APCDD1: variants seen among roughly 807,000 people sequenced by gnomAD.
APCDD1 encodes the protein protein APCDD1.
In APCDD1, 15 loss-of-function variants were observed where a neutral mutation model predicts 38.1. The observed-to-expected ratio is 0.39, with a 90% CI of 0.26 to 0.61. APCDD1 has a LOEUF of 0.61. Ranked by LOEUF, APCDD1 falls within the 20% of genes least tolerant of loss-of-function variation. The probability of loss-of-function intolerance (pLI) is 0.49; values close to 1 mark genes in which losing one functional copy is unlikely to be tolerated. For missense variants in APCDD1, 647 were observed against 696.2 expected (o/e 0.93, Z 0.79); for synonymous variants, 261 against 279.7 (o/e 0.93, Z 0.67).
Position 10,472,027 on chromosome 18 carries a change from C to T in APCDD1, c.740C>T (p.Pro247Leu). 6.2e-7 allele frequency: 1 copy of T among 1,613,752 alleles called. No individual in the cohort carries two copies. Among genetic ancestry groups the T allele is most frequent in the Non-Finnish European group, 8.5e-7 (1 of 1,180,040 alleles). ...GCCACCCAGAGGATGTTCTACCGGC[C>T]CTCCAGTTACCAGCCCCCTCTGCAG... ...TDATQRMFYR[P>L]SSYQPPLQNA... The change falls in exon 3 of 5, where the codon CCC (proline) becomes CTC (leucine). Residue 247 changes from proline to leucine, a missense_variant. Coordinates refer to ENST00000355285, the MANE Select transcript of APCDD1 (RefSeq NM_153000.5). This position sits in a 1 kb window ranked among gnomAD's most constrained non-coding sequence, Gnocchi z 6.6.
In APCDD1 at chr18:10,487,592, A is replaced by C; in HGVS notation, c.1099A>C (p.Asn367His). ...GAACTCTCCTTTCTCCTTTGCAGTGAATCACATGAAGGTCACCCCCATGGA... is the reference window on the plus strand; with the variant it reads ...GAACTCTCCTTTCTCCTTTGCAGTGCATCACATGAAGGTCACCCCCATGGA... ...MGGTEFVFKV[N>H]HMKVTPMDAA... Residue 367 changes from asparagine to histidine, a missense_variant and splice_region_variant, in exon 5 of 5, where the codon AAT (asparagine) becomes CAT (histidine). Coordinates refer to ENST00000355285, the MANE Select transcript of APCDD1 (RefSeq NM_153000.5). The C allele has an allele frequency of 6.2e-6, 10 of 1,614,028 alleles. No homozygotes were observed. Among genetic ancestry groups the C allele is most frequent in the Non-Finnish European group, 8.5e-6 (10 of 1,180,032 alleles).
At position 10,489,894 on chromosome 18, in the gene APCDD1, G is replaced by T. The variant is rs1007705431; in HGVS notation, c.*1856G>T. On this transcript the variant is annotated 3_prime_UTR_variant, in exon 5 of 5. Coordinates refer to ENST00000355285, the MANE Select transcript of APCDD1 (RefSeq NM_153000.5). ...AAACAAAGATGTCAAAATACTCTCA[G>T]AAATACAACTGATACTATCTTTAAA... The T allele has an allele frequency of 6.6e-6, 1 of 152,014 alleles. No homozygotes were observed. The allele number at this position is 152,014 out of a possible 1,614,324, so 9.4% of individuals were successfully genotyped here.
rs539268005 is a variant in APCDD1 at position 10,485,510 on chromosome 18, G to A, written c.823G>A (p.Glu275Lys). The change falls in exon 4 of 5, where the codon GAG (glutamate) becomes AAG (lysine). Residue 275 changes from glutamate (E) to lysine (K), a missense_variant. Physicochemically the swap from Glu to Lys is moderately conservative, Grantham distance 56. Coordinates refer to ENST00000355285, the MANE Select transcript of APCDD1 (RefSeq NM_153000.5). This position sits in a 1 kb window ranked among gnomAD's most constrained non-coding sequence, Gnocchi z 5.8. ...IACRIIYRSD[E>K]HHPPILPPKA... ...CTGTCGGATCATCTATCGGTCAGAC[G>A]AGCACCACCCTCCCATCCTGCCCCC... The A allele has an allele frequency of 4.3e-6, 7 of 1,613,964 alleles. No individual in the cohort carries two copies. The highest frequency in any genetic ancestry group is 5.9e-6 in the Non-Finnish European group (7 of 1,180,032).
At chr18:10,477,425 G>C (rs1489205899) in intron 3 of APCDD1, 1 of 152,226 alleles carries the variant, frequency 6.6e-6, no homozygotes, top group Non-Finnish European at 1.5e-5. Flanking sequence ...CTGGGCCGAG[G>C]TGTGCAGTGT....
At chr18:10,487,311 C>A (rs914425874) in intron 4 of APCDD1, among the ~76,000 whole-genome samples, 2 of 152,220 alleles carry the variant, frequency 1.3e-5, no homozygotes, top group African/African-American at 4.8e-5. Context: ...GCACTCCCAG[C>A]TGTATTCTGG....
At chr18:10,478,633 G>A (rs960106525) in intron 3 of APCDD1, among the ~76,000 whole-genome samples, 1 of 152,146 alleles carries the variant, frequency 6.6e-6, no homozygotes, top group Non-Finnish European at 1.5e-5. Flanking sequence ...CTTAAGGGCT[G>A]TACCCTCATG....
intron 3 of APCDD1, among the ~76,000 whole-genome samples, chr18:10,480,581 G>T (rs1224188984): frequency 2.0e-5 from 3 of 152,098 alleles, no homozygotes; most frequent in Admixed American, 1.3e-4. Flanking sequence ...GATAACTTTG[G>T]CTTCTTCATG....
chr18:10,456,286 A>G (rs942769380), intron 1 of APCDD1, among the ~76,000 whole-genome samples: 3 of 152,174 alleles, frequency 2.0e-5, no homozygotes, highest in African/African-American at 7.2e-5. Context: ...GCAGAGGGCA[A>G]AAAGAGAGAA....
At chr18:10,478,138 C>T (rs1353516613) in intron 3 of APCDD1, among the ~76,000 whole-genome samples, 1 of 152,220 alleles carries the variant, frequency 6.6e-6, no homozygotes, top group African/African-American at 2.4e-5. Context: ...CTCCCCTCTG[C>T]TTCATAGCCA....
At position 10,475,477 on chromosome 18, in the gene APCDD1, G is replaced by A. The variant is rs2030968863; in HGVS notation, c.774+3416G>A. Among the ~76,000 whole-genome samples, 1 of 152,104 alleles carries A rather than the reference G, an allele frequency of 6.6e-6. No individual in the cohort carries two copies. The highest frequency in any genetic ancestry group is 2.4e-5 in the African/African-American group (1 of 41,414). ...CATCTGCATAAAACTAATAATGAAAGGAGAAGAAGAGGGACTCTTTGCAAA... is the reference window on the plus strand; with the variant it reads ...CATCTGCATAAAACTAATAATGAAAAGAGAAGAAGAGGGACTCTTTGCAAA... On this transcript the variant is annotated intron_variant, in intron 3 of 4. Coordinates refer to ENST00000355285, the MANE Select transcript of APCDD1 (RefSeq NM_153000.5). This position sits in a 1 kb window ranked among gnomAD's most constrained non-coding sequence, Gnocchi z 4.0.
rs1276268290 is a variant in APCDD1 at position 10,472,666 on chromosome 18, T to A, written c.774+605T>A. ...CTGAGTTTTCCTGCTGGACCATGAG[T>A]CCAAAGGTCCTTCCTCCATACCCCA... is the stretch of plus-strand genomic sequence containing the variant. On this transcript the variant is annotated intron_variant, in intron 3 of 4. Transcript: ENST00000355285. This position sits in a 1 kb window ranked among gnomAD's most constrained non-coding sequence, Gnocchi z 6.6. 6.6e-6 allele frequency among the ~76,000 whole-genome samples: 1 copy of A among 152,114 alleles called. No homozygotes were observed. The highest frequency in any genetic ancestry group is 2.1e-4 in the South Asian group (1 of 4,806).
chr18:10,468,340 A>C (rs566770724), intron 1 of APCDD1, 129 bp from the exon 2 acceptor site: 2 of 1,012,798 alleles, frequency 2.0e-6, no homozygotes, highest in Non-Finnish European at 1.6e-6. Context: ...ACGCACTGTG[A>C]TGACACCTTG....
At chr18:10,466,699 C>T (rs536193027) in intron 1 of APCDD1, among the ~76,000 whole-genome samples, 6 of 152,270 alleles carry the variant, frequency 3.9e-5, no homozygotes, top group Non-Finnish European at 7.4e-5. Context: ...CTCAATGGAA[C>T]TTGAGGCCTC....
At chr18:10,480,226 T>C (rs2031102685) in intron 3 of APCDD1, among the ~76,000 whole-genome samples, 1 of 152,146 alleles carries the variant, frequency 6.6e-6, no homozygotes, top group Non-Finnish European at 1.5e-5. Context: ...GGGAATAATT[T>C]TACGGAGCAA....
chr18:10,460,052 G>T (rs1226304580), intron 1 of APCDD1, among the ~76,000 whole-genome samples: 2 of 152,184 alleles, frequency 1.3e-5, no homozygotes, highest in African/African-American at 4.8e-5. Flanking sequence ...AGATTAACCT[G>T]ATCAAAGATT....
rs554978334 is a variant in APCDD1, at chr18:10,485,865, G to A, written c.1096+82G>A. On this transcript the variant is annotated intron_variant, in intron 4 of 4. Coordinates refer to ENST00000355285, the MANE Select transcript of APCDD1 (RefSeq NM_153000.5). The surrounding 1 kb of genome is among the most constrained non-coding windows in gnomAD (Gnocchi z 5.8). ...TTTGTGGAGGCAGAGCTGAGGGAAA[G>A]GACCTCTTTTCTGCCTGAGTTCCCA... 6 of 1,474,882 alleles carry A rather than the reference G, an allele frequency of 4.1e-6. No homozygotes were observed. The highest frequency in any genetic ancestry group is 5.6e-6 in the Non-Finnish European group (6 of 1,080,610). The allele number at this position is 1,474,882 out of a possible 1,614,324, so 91.4% of individuals were successfully genotyped here.
chr18:10,483,692 G>T (rs143300686), intron 3 of APCDD1, among the ~76,000 whole-genome samples: 1 of 152,322 alleles, frequency 6.6e-6, no homozygotes, highest in East Asian at 1.9e-4. Flanking sequence ...GTCAGTGGGT[G>T]CCCCTCAGCC....
chr18:10,456,235 C>G (rs1407139363), intron 1 of APCDD1, among the ~76,000 whole-genome samples: 1 of 152,118 alleles, frequency 6.6e-6, no homozygotes, highest in African/African-American at 2.4e-5. Context: ...TACTCAGAGC[C>G]CCAGTGATCC....
At chr18:10,459,279 A>G (rs1389699035) in intron 1 of APCDD1, among the ~76,000 whole-genome samples, 1 of 151,632 alleles carries the variant, frequency 6.6e-6, no homozygotes, top group Non-Finnish European at 1.5e-5. Flanking sequence ...ACTGCAGTTG[A>G]TTGCACTATT....
Sources: gnomAD v4.1 joint callset for allele counts (sites outside exome capture counted in the v4.1 genomes callset) on GRCh38, gnomAD v4.1.1 for gene constraint, Gnocchi (gnomAD v3.1) non-coding constraint, MANE v1.5 for transcripts, NCBI Gene and HGNC (gene_info 2026-07-23, HGNC 2026-07-21) for gene names.